Variants in POU6F2 observed in about 807,000 individuals in gnomAD.
POU6F2 encodes POU domain, class 6, transcription factor 2.
In POU6F2, 31 loss-of-function variants were observed where a neutral mutation model predicts 71.3. The observed-to-expected ratio is 0.43, with a 90% CI of 0.33 to 0.59. The LOEUF (loss-of-function observed/expected upper bound fraction) is 0.59. POU6F2 is among the 20% of genes least tolerant of loss of function. POU6F2 has a pLI of 0.04. For missense variants in POU6F2, 783 were observed against 856.8 expected (o/e 0.91, Z 1.07); for synonymous variants, 347 against 355.7 (o/e 0.98, Z 0.27).
At chr7:39,221,384 C>CTTTTTTTTT (rs33915153) in intron 4 of POU6F2, among the ~76,000 whole-genome samples, 9 of 86,334 alleles carry the variant, frequency 1.0e-4, no homozygotes, top group African/African-American at 1.4e-4. Flanking sequence ...CTCTCTCTCT[C>CTTTTTTTTT]TTTTTTTTTT....
intron 2 of POU6F2, among the ~76,000 whole-genome samples, chr7:39,122,270 T>C (rs1321755039): frequency 6.6e-6 from 1 of 152,202 alleles, no homozygotes; most frequent in Admixed American, 6.5e-5. Context: ...ATTAGCACAA[T>C]TCACACACAC....
intron 8 of POU6F2, among the ~76,000 whole-genome samples, chr7:39,456,796 A>G (rs1788817380): frequency 6.6e-6 from 1 of 152,242 alleles, no homozygotes; most frequent in Non-Finnish European, 1.5e-5. Flanking sequence ...CACCCTGTTT[A>G]AATTTCATAA....
intron 4 of POU6F2, among the ~76,000 whole-genome samples, chr7:39,277,590 T>G (rs544091273): frequency 2.8e-4 from 42 of 152,012 alleles, no homozygotes; most frequent in Middle Eastern, 3.4e-3. Flanking sequence ...AAGTATGGAG[T>G]GTCTAGGATG....
intron 7 of POU6F2, among the ~76,000 whole-genome samples, chr7:39,439,655 A>G (rs1278414681): frequency 1.3e-5 from 2 of 151,788 alleles, no homozygotes. Flanking sequence ...ACACCTGGCT[A>G]TTTTTTGTAT....
Position 39,107,278 on chromosome 7 carries a change from C to G in POU6F2, c.277+21247C>G, listed in dbSNP as rs1216349916. 1.3e-5 allele frequency among the ~76,000 whole-genome samples: 2 copies of G among 151,976 alleles called. 1 individual carries two copies. The highest frequency in any genetic ancestry group is 6.3e-3 in the Middle Eastern group (2 of 316). ...CAGGCTGGTCTCCAATTCCTGGGCT[C>G]AAATGATCCTCCCACCTAAGCCTCC... On this transcript the variant is annotated intron_variant, in intron 2 of 9. Coordinates refer to ENST00000518318, the MANE Select transcript of POU6F2 (RefSeq NM_001370959.1).
intron 3 of POU6F2, among the ~76,000 whole-genome samples, chr7:39,205,820 G>T (rs1794000599): frequency 2.6e-5 from 4 of 152,144 alleles, no homozygotes; most frequent in Admixed American, 2.6e-4. Context: ...CCCCCAAAGG[G>T]TCCTGAAAGG....
intron 2 of POU6F2, among the ~76,000 whole-genome samples, chr7:39,113,606 A>T (rs765935564): frequency 3.3e-5 from 5 of 152,178 alleles, no homozygotes; most frequent in Non-Finnish European, 7.4e-5. Context: ...ACAATCTGGA[A>T]ATTTGAAGAA....
chr7:39,390,988 C>G (rs1787064692), intron 5 of POU6F2, among the ~76,000 whole-genome samples: 1 of 152,128 alleles, frequency 6.6e-6, no homozygotes, highest in South Asian at 2.1e-4. Context: ...CGAGCAAACC[C>G]TGGGACTAGG....
intron 5 of POU6F2, among the ~76,000 whole-genome samples, chr7:39,392,716 A>G (rs1183420790): frequency 6.6e-6 from 1 of 152,210 alleles, no homozygotes; most frequent in African/African-American, 2.4e-5. Flanking sequence ...GGACAGGAAC[A>G]TGGAGGCTCA....
chr7:39,138,851 C>G (rs1245153386), intron 2 of POU6F2, among the ~76,000 whole-genome samples: 12 of 152,160 alleles, frequency 7.9e-5, no homozygotes, highest in Admixed American at 6.5e-4. Flanking sequence ...ATTGGCACAG[C>G]TCATCTTTCC....
At chr7:39,334,667 C>G (rs1785728616) in intron 4 of POU6F2, among the ~76,000 whole-genome samples, 1 of 152,144 alleles carries the variant, frequency 6.6e-6, no homozygotes, top group South Asian at 2.1e-4. Context: ...CTGGGGACAC[C>G]AGAAGGGGTT....
intron 2 of POU6F2, among the ~76,000 whole-genome samples, chr7:39,092,714 G>A (rs865873284): frequency 2.0e-5 from 3 of 152,150 alleles, no homozygotes; most frequent in Admixed American, 6.6e-5. Context: ...GATTGTCAAA[G>A]TCAGATTTCA....
chr7:39,015,912 A>ATATTGTATATTGATATG (rs1789506861), intron 1 of POU6F2, among the ~76,000 whole-genome samples: 1 of 93,374 alleles, frequency 1.1e-5, no homozygotes, highest in Non-Finnish European at 1.9e-5. Context: ...TATATATTAT[A>ATATTGTATATTGATATG]TATTATATAT....
At chr7:39,024,289 T>G (rs1309138932) in intron 1 of POU6F2, among the ~76,000 whole-genome samples, 1 of 151,974 alleles carries the variant, frequency 6.6e-6, no homozygotes, top group Non-Finnish European at 1.5e-5. Flanking sequence ...AGTTCACTCA[T>G]GATTTGGCTC....
intron 4 of POU6F2, among the ~76,000 whole-genome samples, chr7:39,238,803 G>A (rs1794723201): frequency 6.6e-6 from 1 of 152,184 alleles, no homozygotes; most frequent in Non-Finnish European, 1.5e-5. Flanking sequence ...CTATCAAGAG[G>A]AAAATGGGTG....
At chr7:39,098,880 G>A (rs918078036) in intron 2 of POU6F2, among the ~76,000 whole-genome samples, 16 of 152,084 alleles carry the variant, frequency 1.1e-4, no homozygotes, top group Non-Finnish European at 2.2e-4. Flanking sequence ...ATTAATTTTG[G>A]GCAGCAGATA....
At chr7:39,150,361 G>A (rs1360721879) in intron 2 of POU6F2, among the ~76,000 whole-genome samples, 1 of 151,556 alleles carries the variant, frequency 6.6e-6, no homozygotes, top group Non-Finnish European at 1.5e-5. Context: ...TCTCCTTTGG[G>A]TAAACACCCA....
At chr7:39,264,992 G>A (rs375042650) in intron 4 of POU6F2, among the ~76,000 whole-genome samples, 2 of 152,186 alleles carry the variant, frequency 1.3e-5, no homozygotes, top group Non-Finnish European at 2.9e-5. Context: ...ATTAAAGGAG[G>A]TTGTTAGGCC....
chr7:39,373,194 G>A (rs1786647378), intron 5 of POU6F2, among the ~76,000 whole-genome samples: 1 of 152,278 alleles, frequency 6.6e-6, no homozygotes, highest in Admixed American at 6.5e-5. Flanking sequence ...CGCATAGTGA[G>A]TGCTATATAA....
Sources: gnomAD v4.1 joint callset for allele counts (sites outside exome capture counted in the v4.1 genomes callset) on GRCh38, gnomAD v4.1.1 for gene constraint, MANE v1.5 for transcripts, NCBI Gene and HGNC (gene_info 2026-07-23, HGNC 2026-07-21) for gene names.